KIF13A: variants seen among roughly 807,000 people sequenced by gnomAD.
The protein encoded by KIF13A is kinesin family member 13A, also known as kinesin-like protein KIF13A.
A neutral mutation model predicts 212.2 loss-of-function variants in KIF13A; 79 were observed. The ratio of observed to expected loss-of-function variants is 0.37; its 90% CI spans 0.31 to 0.45. The LOEUF is 0.45. KIF13A is among the 20% of genes least tolerant of loss of function. The pLI is 1.00. For missense variants in KIF13A, 1,901 were observed against 2,209.0 expected (o/e 0.86, Z 2.79); for synonymous variants, 789 against 808.6 (o/e 0.98, Z 0.41).
intron 2 of KIF13A, among the ~76,000 whole-genome samples, chr6:17,960,838 C>T (rs1222299271): frequency 1.3e-5 from 2 of 152,160 alleles, no homozygotes; most frequent in Non-Finnish European, 2.9e-5. Context: ...GAAGAAGCCC[C>T]TACTGACTTC....
At chr6:17,986,149 AAC>A (rs748561285) in intron 2 of KIF13A, among the ~76,000 whole-genome samples, 2 of 152,254 alleles carry the variant, frequency 1.3e-5, no homozygotes, top group Non-Finnish European at 2.9e-5. Flanking sequence ...GATTCGTGGA[AAC>A]ACAAACTCAT....
At chr6:17,869,008 A>AAAAAAAAAAC (rs1769713816) in intron 4 of KIF13A, among the ~76,000 whole-genome samples, 1 of 149,066 alleles carries the variant, frequency 6.7e-6, no homozygotes, top group African/African-American at 2.5e-5. Flanking sequence ...AAAAAAAAAA[A>AAAAAAAAAAC]AAAAAAAAAA....
intron 2 of KIF13A, among the ~76,000 whole-genome samples, chr6:17,981,513 C>T (rs1324351521): frequency 2.6e-5 from 4 of 151,188 alleles, no homozygotes; most frequent in Non-Finnish European, 1.5e-5. Flanking sequence ...CCACCTACGC[C>T]TCCCGGGTTC....
At chr6:17,973,826 T>C (rs533560107) in intron 2 of KIF13A, among the ~76,000 whole-genome samples, 29 of 152,180 alleles carry the variant, frequency 1.9e-4, no homozygotes, top group Non-Finnish European at 4.0e-4. Context: ...GTGGTCCCCA[T>C]GGCTTTGCTA....
Position 17,895,301 on chromosome 6 carries a change from T to C in KIF13A, c.159+2867A>G, listed in dbSNP as rs1050528386. 1.3e-5 allele frequency among the ~76,000 whole-genome samples: 2 copies of C among 152,370 alleles called. No homozygotes were observed. The highest frequency in any genetic ancestry group is 1.9e-4 in the East Asian group (1 of 5,182). ...TATTATTTCTGTTGGCTCTTGTTCA[T>C]GTCACATCTTGTCATGTACCTCCTT... is the stretch of plus-strand genomic sequence containing the variant. On this transcript the variant is annotated intron_variant, in intron 3 of 38. Transcript: ENST00000259711. This position sits in a 1 kb window ranked among gnomAD's most constrained non-coding sequence, Gnocchi z 4.4.
intron 2 of KIF13A, among the ~76,000 whole-genome samples, chr6:17,981,308 C>A (rs971852024): frequency 5.9e-5 from 9 of 151,720 alleles, no homozygotes; most frequent in African/African-American, 2.2e-4. Flanking sequence ...ATATACATAT[C>A]CACATAAACA....
At chr6:17,877,046 T>C (rs1036967533) in intron 3 of KIF13A, among the ~76,000 whole-genome samples, 1 of 151,592 alleles carries the variant, frequency 6.6e-6, no homozygotes, top group Non-Finnish European at 1.5e-5. Context: ...TAATTACTTA[T>C]TGATGTACTT....
At chr6:17,969,630 C>A (rs1779629283) in intron 2 of KIF13A, among the ~76,000 whole-genome samples, 1 of 152,128 alleles carries the variant, frequency 6.6e-6, no homozygotes, top group Non-Finnish European at 1.5e-5. Context: ...CCAGGGTTTA[C>A]CATCCTGGAG....
chr6:17,812,433 C>T (rs1367782487), intron 17 of KIF13A: 2 of 152,140 alleles, frequency 1.3e-5, no homozygotes, highest in Non-Finnish European at 2.9e-5. Flanking sequence ...CACGCGGTAT[C>T]TGGTGTTCTG....
At chr6:17,818,829 T>G (rs1764177761) in intron 16 of KIF13A, among the ~76,000 whole-genome samples, 1 of 152,168 alleles carries the variant, frequency 6.6e-6, no homozygotes, top group Non-Finnish European at 1.5e-5. Context: ...TAAACTGATG[T>G]GGTACTCTTA....
In KIF13A at chr6:17,987,161, A is replaced by AGTCC. The variant is rs780556076; in HGVS notation, c.56-18_56-17insGGAC. 8.1e-6 allele frequency: 13 copies of AGTCC among 1,597,760 alleles called. No individual in the cohort carries two copies. Among genetic ancestry groups the AGTCC allele is most frequent in the Non-Finnish European group, 3.4e-6 (4 of 1,167,056 alleles). On this transcript the variant is annotated splice_polypyrimidine_tract_variant and intron_variant, in intron 1 of 38. Transcript: ENST00000259711. The surrounding 1 kb of genome is among the most constrained non-coding windows in gnomAD (Gnocchi z 7.7). ...GTTCCAGTTCTGAAAGCAGAGAGAAAGGGACGTTGCAAAGTCCAGCATCCG... is the reference window on the plus strand; with the variant it reads ...GTTCCAGTTCTGAAAGCAGAGAGAAAGTCCGGGACGTTGCAAAGTCCAGCATCCG...
intron 19 of KIF13A, among the ~76,000 whole-genome samples, 193 bp downstream of exon 19, chr6:17,805,282 G>C (rs1762841759): frequency 6.6e-6 from 1 of 151,982 alleles, no homozygotes; most frequent in Non-Finnish European, 1.5e-5. Flanking sequence ...ATCATGTGTT[G>C]TATTACTGAT....
In KIF13A at chr6:17,780,726, T is replaced by C. The variant is rs1314986338; in HGVS notation, c.3846+4A>G. On this transcript the variant is annotated splice_donor_region_variant and intron_variant, in intron 31 of 38. Coordinates refer to ENST00000259711, the MANE Select transcript of KIF13A (RefSeq NM_022113.6). ...AGAATGGCACAATCAGGCCCCGTTA[T>C]TACCTGTTTGTTGTAAATATTGGCT... The C allele has an allele frequency of 6.2e-7, 1 of 1,613,114 alleles. No homozygotes were observed. The highest frequency in any genetic ancestry group is 1.3e-5 in the African/African-American group (1 of 74,936).
At chr6:17,896,679 G>A (rs1772595445) in intron 3 of KIF13A, among the ~76,000 whole-genome samples, 1 of 152,202 alleles carries the variant, frequency 6.6e-6, no homozygotes, top group African/African-American at 2.4e-5. Context: ...AAATAAGGCT[G>A]GGAACCACTA....
At chr6:17,859,633 TATATA>T (rs1419671930) in intron 4 of KIF13A, among the ~76,000 whole-genome samples, 1 of 108,210 alleles carries the variant, frequency 9.2e-6, no homozygotes, top group Non-Finnish European at 1.8e-5. Context: ...TATATATATA[TATATA>T]TTTTTTTTTT....
chr6:17,856,781 C>T lies in KIF13A; in HGVS notation c.221-659G>A, dbSNP rs1362171806. On this transcript the variant is annotated intron_variant, in intron 4 of 38. Transcript: ENST00000259711. This position sits in a 1 kb window ranked among gnomAD's most constrained non-coding sequence, Gnocchi z 4.5. ...AAGGAGTGACAATCTGTTTTAAACA[C>T]ATAAAAGGACAGCATTTGCTACCCT... 6.6e-6 allele frequency among the ~76,000 whole-genome samples: 1 copy of T among 152,156 alleles called. No individual in the cohort carries two copies. Among genetic ancestry groups the T allele is most frequent in the African/African-American group, 2.4e-5 (1 of 41,432 alleles).
chr6:17,959,516 T>C (rs2150584193), intron 2 of KIF13A, among the ~76,000 whole-genome samples: 1 of 152,344 alleles, frequency 6.6e-6, no homozygotes, highest in African/African-American at 2.4e-5. Context: ...GGAAAGAATG[T>C]ATTCTTAGAA....
In KIF13A at chr6:17,828,074, C is replaced by T. The variant is rs1421527769; in HGVS notation, c.1532+166G>A. On this transcript the variant is annotated intron_variant, in intron 14 of 38. Transcript: ENST00000259711. The surrounding 1 kb of genome is among the most constrained non-coding windows in gnomAD (Gnocchi z 4.3). Reference sequence around the variant, plus strand: ...ACTAGAACTCGCATACAAAAATAGTCACTCCTTCACAGTAATCACTCTCTA... The same window carrying T: ...ACTAGAACTCGCATACAAAAATAGTTACTCCTTCACAGTAATCACTCTCTA... 6.6e-6 allele frequency among the ~76,000 whole-genome samples: 1 copy of T among 152,162 alleles called. No individual in the cohort carries two copies. The highest frequency in any genetic ancestry group is 1.5e-5 in the Non-Finnish European group (1 of 68,026).
chr6:17,987,559 A>AGCGCG lies in KIF13A; in HGVS notation c.-101_-97dup, dbSNP rs1175139166. ...CGCCGCTGCAGCCGCGCGCCCCTCG[A>AGCGCG]GCGCGGCCGCCGCCGCTCCGCCGTG... On this transcript the variant is annotated 5_prime_UTR_variant, in exon 1 of 39. It removes the in-frame stop codon of an upstream open reading frame in the 5' UTR. Transcript: ENST00000259711. This position sits in a 1 kb window ranked among gnomAD's most constrained non-coding sequence, Gnocchi z 7.7. 4.9e-6 allele frequency: 3 copies of AGCGCG among 611,292 alleles called. No individual in the cohort carries two copies. Among genetic ancestry groups the AGCGCG allele is most frequent in the Non-Finnish European group, 6.1e-6 (3 of 490,626 alleles). 37.9% of individuals were successfully genotyped at this position (611,292 alleles called of 1,614,324 possible). A position where few individuals can be genotyped will look rare whatever the true frequency, so the allele number is the denominator to read the frequency against.
Sources: gnomAD v4.1 joint callset for allele counts (sites outside exome capture counted in the v4.1 genomes callset) on GRCh38, gnomAD v4.1.1 for gene constraint, Gnocchi (gnomAD v3.1) non-coding constraint, MANE v1.5 for transcripts, NCBI Gene and HGNC (gene_info 2026-07-23, HGNC 2026-07-21) for gene names.